Variants in NLRP9 observed in about 807,000 individuals in gnomAD.
NLRP9 encodes the protein NACHT, LRR and PYD domains-containing protein 9.
NLRP9 carries 88 observed loss-of-function variants against 83.1 expected under a neutral mutation model. The observed-to-expected ratio is 1.06, with a 90% CI of 0.89 to 1.26. The LOEUF is 1.26. Ranked by LOEUF, NLRP9 falls within the 50% of genes most tolerant of loss-of-function variation. The pLI is 0.00. For missense variants in NLRP9, 1,308 were observed against 1,179.3 expected (o/e 1.11, Z -1.60); for synonymous variants, 521 against 447.6 (o/e 1.16, Z -2.07).
Position 55,732,283 on chromosome 19 carries a change from T to C in NLRP9, c.1548A>G (p.Ser516=). 2 of 1,614,234 alleles carry C rather than the reference T, an allele frequency of 1.2e-6. No individual in the cohort carries two copies. The highest frequency in any genetic ancestry group is 1.7e-6 in the Non-Finnish European group (2 of 1,180,044). The change falls in exon 2 of 9, where the codon TCA becomes TCG. Residue 516 remains serine (S), a synonymous_variant. Coordinates refer to ENST00000332836, the MANE Select transcript of NLRP9 (RefSeq NM_176820.4). ...MLETSFGFPL[S]KDLKQEITQC... is the part of the protein sequence containing the mutation. The stretch of plus-strand genomic sequence containing the variant: ...GGGTTATTTCCTGCTTTAGGTCTTT[T>C]GACAGTGGAAAACCAAAGGAGGTCT...
intron 4 of NLRP9, among the ~76,000 whole-genome samples, chr19:55,718,436 C>T (rs567350951): frequency 2.0e-4 from 30 of 152,300 alleles, no homozygotes; most frequent in Admixed American, 8.5e-4. Flanking sequence ...GCTGACCATT[C>T]CCATTCATTC....
At chr19:55,731,450 G>A (rs753486537) in intron 2 of NLRP9, among the ~76,000 whole-genome samples, 5 of 152,126 alleles carry the variant, frequency 3.3e-5, no homozygotes, top group South Asian at 2.1e-4. Flanking sequence ...AAGGCCAGGC[G>A]CGGTGGCTTA....
chr19:55,719,837 T>C (rs184920555), intron 4 of NLRP9, among the ~76,000 whole-genome samples: 1 of 152,072 alleles, frequency 6.6e-6, no homozygotes, highest in Admixed American at 6.5e-5. Context: ...CACAAAGAAA[T>C]ACCAAAACCA....
At chr19:55,728,206 G>A (rs1988456363) in intron 3 of NLRP9, among the ~76,000 whole-genome samples, 1 of 152,202 alleles carries the variant, frequency 6.6e-6, no homozygotes, top group Non-Finnish European at 1.5e-5. Context: ...ATAAACCACA[G>A]TGCCGGTAGA....
chr19:55,733,975 T>C (rs984824184), intron 1 of NLRP9, among the ~76,000 whole-genome samples: 2 of 139,358 alleles, frequency 1.4e-5, no homozygotes, highest in African/African-American at 2.8e-5. Flanking sequence ...CAGGCTGGAG[T>C]GCAGTGGCGG....
chr19:55,713,951 T>TG (rs1276763329), intron 6 of NLRP9, among the ~76,000 whole-genome samples: 8 of 120,700 alleles, frequency 6.6e-5, no homozygotes, highest in Non-Finnish European at 1.3e-4. Context: ...CTAGGAAGCA[T>TG]GGGACAGCAG....
intron 6 of NLRP9, among the ~76,000 whole-genome samples, chr19:55,713,450 G>C (rs1166984820): frequency 6.6e-6 from 1 of 151,740 alleles, no homozygotes. Flanking sequence ...GTATGTGTCT[G>C]ATGTATGTAC....
intron 3 of NLRP9, among the ~76,000 whole-genome samples, chr19:55,728,413 A>G (rs1188956325): frequency 6.6e-6 from 1 of 152,056 alleles, no homozygotes; most frequent in African/African-American, 2.4e-5. Context: ...CGTCTCTACT[A>G]ATACAAAAAC....
intron 8 of NLRP9, chr19:55,709,687 A>G (rs1233744561): frequency 6.6e-6 from 1 of 152,240 alleles, no homozygotes; most frequent in Non-Finnish European, 1.5e-5. Flanking sequence ...CATTGAATAC[A>G]GTTAATTACA....
chr19:55,715,065 G>A lies in NLRP9; in HGVS notation c.2491C>T (p.Arg831Trp), dbSNP rs746998723. ...AALKHPGCSI[R>W]ELWLMGCFLT... ...CATGGCCGGTCCTACCACAGCTCCC[G>A]TATGCTGCAGCCTGGGTGCTTCAGC... is the stretch of plus-strand genomic sequence containing the variant. Residue 831 changes from arginine (R) to tryptophan (W), a missense_variant, in exon 6 of 9, where the codon CGG becomes TGG. Transcript: ENST00000332836. 2.5e-5 allele frequency: 40 copies of A among 1,609,666 alleles called. No homozygotes were observed. The highest frequency in any genetic ancestry group is 4.5e-5 in the East Asian group (2 of 44,816).
rs139809540 is a variant in NLRP9, at chr19:55,717,480, T to G, written c.2160-582A>C. Among the ~76,000 whole-genome samples the G allele has an allele frequency of 2.7e-3, 417 of 152,340 alleles. 4 individuals carry two copies. The highest frequency in any genetic ancestry group is 9.8e-3 in the African/African-American group (407 of 41,580). ...CCTAATGGAGACATGTGGAAATGTC[T>G]GCATATATTATTGGCTGTCACGATG... On this transcript the variant is annotated intron_variant, in intron 4 of 8. Coordinates refer to ENST00000332836, the MANE Select transcript of NLRP9 (RefSeq NM_176820.4).
Position 55,724,085 on chromosome 19 carries a change from G to A in NLRP9, c.2054C>T (p.Pro685Leu), listed in dbSNP as rs756970020. 5.0e-6 allele frequency: 8 copies of A among 1,613,292 alleles called. No homozygotes were observed. In the South Asian group the frequency reaches 7.7e-5, roughly 16 times the overall value. The change falls in exon 4 of 9, where the codon CCT becomes CTT. Residue 685 changes from proline to leucine, a missense_variant. Transcript: ENST00000332836. Reference protein sequence around the residue: ...SELFKAVLHNPHLKLLSLYGT... With the variant: ...SELFKAVLHNLHLKLLSLYGT... ...GTACAGGCTCAGAAGTTTCAGATGA[G>A]GGTTGTGAAGAACTGCCTTAAATAA...
intron 7 of NLRP9, 23 bp downstream of exon 7, chr19:55,712,397 G>T: frequency 1.3e-6 from 2 of 1,578,694 alleles, no homozygotes; most frequent in Non-Finnish European, 1.7e-6. Context: ...ATTTTCCTAC[G>T]ATGGTGATCA....
At chr19:55,720,000 CAAAA>C (rs1988174094) in intron 4 of NLRP9, among the ~76,000 whole-genome samples, 1 of 151,954 alleles carries the variant, frequency 6.6e-6, no homozygotes, top group African/African-American at 2.4e-5. Context: ...TGTAAAAGAA[CAAAA>C]GAAAGAAAAC....
At chr19:55,736,578 A>G (rs1463672692) in intron 1 of NLRP9, among the ~76,000 whole-genome samples, 2 of 152,164 alleles carry the variant, frequency 1.3e-5, no homozygotes, top group Non-Finnish European at 2.9e-5. Flanking sequence ...ACACACCTGT[A>G]ATCACAGCAC....
intron 6 of NLRP9, among the ~76,000 whole-genome samples, chr19:55,714,491 G>C (rs1987930430): frequency 6.6e-6 from 1 of 152,148 alleles, no homozygotes; most frequent in South Asian, 2.1e-4. Flanking sequence ...TCTAGGGCTG[G>C]AGACCCAACT....
chr19:55,709,760 C>T (rs1600121289), intron 8 of NLRP9: 1 of 152,310 alleles, frequency 6.6e-6, no homozygotes, highest in South Asian at 2.1e-4. Context: ...TCTACTCCCT[C>T]AACAGCTATC....
intron 3 of NLRP9, among the ~76,000 whole-genome samples, chr19:55,727,658 C>A (rs1230180693): frequency 6.6e-6 from 1 of 152,116 alleles, no homozygotes; most frequent in Non-Finnish European, 1.5e-5. Flanking sequence ...CATGTGGGAT[C>A]TTTAGAAATT....
At chr19:55,709,315 A>G (rs1010695158) in intron 8 of NLRP9, 3 of 215,336 alleles carry the variant, frequency 1.4e-5, no homozygotes, top group Non-Finnish European at 2.7e-5. Flanking sequence ...AAAACACAGG[A>G]TAACTTCCAT....
Sources: gnomAD v4.1 joint callset for allele counts (sites outside exome capture counted in the v4.1 genomes callset) on GRCh38, gnomAD v4.1.1 for gene constraint, MANE v1.5 for transcripts, NCBI Gene and HGNC (gene_info 2026-07-23, HGNC 2026-07-21) for gene names.